Variants in SERTAD4 observed in about 807,000 individuals in gnomAD.
SERTAD4 encodes SERTA domain-containing protein 4.
In SERTAD4, 18 loss-of-function variants were observed where a neutral mutation model predicts 32.9. That is an observed-to-expected ratio of 0.55 (90% confidence interval 0.38 to 0.81). The LOEUF (loss-of-function observed/expected upper bound fraction) is 0.81, where lower values mean the gene tolerates loss of function less well. SERTAD4 is among the 30% of genes least tolerant of loss of function. The pLI is 0.00. For synonymous variants in SERTAD4, 150 were observed against 156.4 expected (o/e 0.96, Z 0.30); for missense variants, 383 against 426.0 (o/e 0.90, Z 0.89).
intron 1 of SERTAD4, chr1:210,237,480 T>A (rs1274220976): frequency 5.6e-5 from 9 of 161,164 alleles, no homozygotes; most frequent in Admixed American, 3.0e-4. Context: ...TGGATATTTC[T>A]GCTTCCCCTG....
intron 1 of SERTAD4, 25 bp from the exon 2 acceptor site, chr1:210,237,919 T>G: frequency 6.4e-7 from 1 of 1,562,168 alleles, no homozygotes; most frequent in African/African-American, 1.4e-5. Flanking sequence ...TTCTTCATTC[T>G]TGTTTTTTTT....
At position 210,241,770 on chromosome 1, in the gene SERTAD4, A is replaced by G. The variant is rs780040849; in HGVS notation, c.504A>G (p.Gln168=). The G allele has an allele frequency of 1.9e-6, 3 of 1,614,138 alleles. No homozygotes were observed. In the Admixed American group the frequency reaches 5.0e-5, roughly 27 times the overall value. ...GTSAQEWFMA[Q]DCPYRKRPRM... The stretch of plus-strand genomic sequence containing the variant: ...CTGCCCAAGAGTGGTTTATGGCTCA[A>G]GACTGCCCTTACCGAAAACGACCAC... Residue 168 remains glutamine, a synonymous_variant, in exon 4 of 4, where the codon CAA becomes CAG. Transcript: ENST00000367012.
chr1:210,242,673 T>C lies in SERTAD4; in HGVS notation c.*336T>C. The C allele has an allele frequency of 9.5e-7, 1 of 1,049,870 alleles. No homozygotes were observed. Among genetic ancestry groups the C allele is most frequent in the Non-Finnish European group, 1.1e-6 (1 of 873,058 alleles). The allele number at this position is 1,049,870 out of a possible 1,614,324, so 65.0% of individuals were successfully genotyped here. A position where few individuals can be genotyped will look rare whatever the true frequency, so the allele number is the denominator to read the frequency against. On this transcript the variant is annotated 3_prime_UTR_variant, in exon 4 of 4. Transcript: ENST00000367012. The surrounding 1 kb of genome is among the most constrained non-coding windows in gnomAD (Gnocchi z 4.0). ...GCCCCCCAAGGAGCCTGTCACTAGC[T>C]AAGAAATTTCTACATGTTTGCCAGT...
Position 210,245,163 on chromosome 1 carries a change from G to C in SERTAD4, c.*2826G>C, listed in dbSNP as rs887138411. The C allele has an allele frequency of 3.9e-5, 6 of 152,282 alleles. No homozygotes were observed. Among genetic ancestry groups the C allele is most frequent in the African/African-American group, 1.4e-4 (6 of 41,538 alleles). 9.4% of individuals were successfully genotyped at this position (152,282 alleles called of 1,614,324 possible). A position where few individuals can be genotyped will look rare whatever the true frequency, so the allele number is the denominator to read the frequency against. On this transcript the variant is annotated 3_prime_UTR_variant, in exon 4 of 4. Coordinates refer to ENST00000367012, the MANE Select transcript of SERTAD4 (RefSeq NM_019605.5). ...GCTAAGACATCCTCCACCCACACTG[G>C]TATCTACGCGCCTGGAAGCTGCACC...
Position 210,241,714 on chromosome 1 carries a change from T to C in SERTAD4, c.448T>C (p.Cys150Arg), listed in dbSNP as rs1334491370. 2.5e-6 allele frequency: 4 copies of C among 1,613,982 alleles called. No individual in the cohort carries two copies. Among genetic ancestry groups the C allele is most frequent in the Non-Finnish European group, 3.4e-6 (4 of 1,180,026 alleles). ...HGEIIMQNNW[C>R]FPACSFNGTS... ...AGAAATTATCATGCAGAATAACTGG[T>C]GCTTCCCTGCCTGCTCTTTCAATGG... Residue 150 changes from cysteine to arginine, a missense_variant, in exon 4 of 4, where the codon TGC becomes CGC. By Grantham distance (180) the Cys-to-Arg change is radical. Transcript: ENST00000367012.
chr1:210,243,110 A>AAC lies in SERTAD4; in HGVS notation c.*774_*775insCA. 1 of 968,572 alleles carries AAC rather than the reference A, an allele frequency of 1.0e-6. No individual in the cohort carries two copies. The highest frequency in any genetic ancestry group is 1.2e-6 in the Non-Finnish European group (1 of 816,530). 60.0% of individuals were successfully genotyped at this position (968,572 alleles called of 1,614,324 possible). A position where few individuals can be genotyped will look rare whatever the true frequency, so the allele number is the denominator to read the frequency against. ...AAACAGGACAAAAAAAAAAAAAAAA[A>AAC]AAAAACCACAGGGTGGATCAATATG... On this transcript the variant is annotated 3_prime_UTR_variant, in exon 4 of 4. Coordinates refer to ENST00000367012, the MANE Select transcript of SERTAD4 (RefSeq NM_019605.5).
Position 210,245,991 on chromosome 1 carries a change from A to C in SERTAD4, c.*3654A>C. On this transcript the variant is annotated 3_prime_UTR_variant, in exon 4 of 4. Coordinates refer to ENST00000367012, the MANE Select transcript of SERTAD4 (RefSeq NM_019605.5). The stretch of plus-strand genomic sequence containing the variant: ...ATTCCATTTTTCTGACAGCCCCTTA[A>C]ATTTGAAGTTATTTCATTTGTAGTT... The C allele has an allele frequency of 1.1e-6, 1 of 927,384 alleles. No homozygotes were observed. The highest frequency in any genetic ancestry group is 1.8e-5 in the African/African-American group (1 of 56,064). The allele number at this position is 927,384 out of a possible 1,614,324, so 57.4% of individuals were successfully genotyped here.
chr1:210,241,247 G>T (rs2083991285), intron 3 of SERTAD4, among the ~76,000 whole-genome samples: 1 of 152,084 alleles, frequency 6.6e-6, no homozygotes, highest in Non-Finnish European at 1.5e-5. Flanking sequence ...TCCTTATTGG[G>T]CCATAATAGA....
chr1:210,238,784 TTTC>T (rs1257241684), intron 2 of SERTAD4, among the ~76,000 whole-genome samples: 1 of 152,212 alleles, frequency 6.6e-6, no homozygotes, highest in Non-Finnish European at 1.5e-5. Context: ...TTCCTGATTC[TTTC>T]TTCTTATAGT....
intron 1 of SERTAD4, 62 bp from the exon 2 acceptor site, chr1:210,237,882 C>T: frequency 1.4e-6 from 2 of 1,389,856 alleles, no homozygotes; most frequent in Non-Finnish European, 2.0e-6. Flanking sequence ...AAGGCCGTCC[C>T]TTGGCTTGCT....
chr1:210,236,016 A>T (rs909819780), intron 1 of SERTAD4, among the ~76,000 whole-genome samples: 3 of 152,318 alleles, frequency 2.0e-5, no homozygotes. Context: ...TCCTGATATG[A>T]TTGTCTCTTA....
At position 210,241,734 on chromosome 1, in the gene SERTAD4, C is replaced by T. The variant is rs2083997213; in HGVS notation, c.468C>T (p.Phe156=). 1.9e-6 allele frequency: 3 copies of T among 1,614,124 alleles called. No homozygotes were observed. The highest frequency in any genetic ancestry group is 2.5e-6 in the Non-Finnish European group (3 of 1,180,014). ...ACTGGTGCTTCCCTGCCTGCTCTTT[C>T]AATGGCACCTCTGCCCAAGAGTGGT... ...QNNWCFPACS[F]NGTSAQEWFM... is the part of the protein sequence containing the mutation. Residue 156 remains phenylalanine (F), a synonymous_variant, in exon 4 of 4, where the codon TTC becomes TTT. Transcript: ENST00000367012.
chr1:210,233,729 C>T (rs912598056), intron 1 of SERTAD4: 11 of 471,028 alleles, frequency 2.3e-5, no homozygotes, highest in Admixed American at 1.2e-4. Flanking sequence ...TAGCAACTTT[C>T]CGAGTGCCCA....
At position 210,245,029 on chromosome 1, in the gene SERTAD4, T is replaced by C. The variant is rs2084034443; in HGVS notation, c.*2692T>C. 1 of 152,192 alleles carries C rather than the reference T, an allele frequency of 6.6e-6. No homozygotes were observed. 9.4% of individuals were successfully genotyped at this position (152,192 alleles called of 1,614,324 possible). A position where few individuals can be genotyped will look rare whatever the true frequency, so the allele number is the denominator to read the frequency against. On this transcript the variant is annotated 3_prime_UTR_variant, in exon 4 of 4. Coordinates refer to ENST00000367012, the MANE Select transcript of SERTAD4 (RefSeq NM_019605.5). Reference sequence around the variant, plus strand: ...CTCCCATGCACCCAGCATTGTCTTTTATGCATGAGATATTCCATTAGATTT... The same window carrying C: ...CTCCCATGCACCCAGCATTGTCTTTCATGCATGAGATATTCCATTAGATTT...
In SERTAD4 at chr1:210,242,419, T is replaced by C; in HGVS notation, c.*82T>C. On this transcript the variant is annotated 3_prime_UTR_variant, in exon 4 of 4. Transcript: ENST00000367012. This position sits in a 1 kb window ranked among gnomAD's most constrained non-coding sequence, Gnocchi z 4.0. Reference sequence around the variant, plus strand: ...ATTTTATTTTGAATGGATTTTGTAGTTTTGTACAACAGATAAAATTATGCC... The same window carrying C: ...ATTTTATTTTGAATGGATTTTGTAGCTTTGTACAACAGATAAAATTATGCC... The C allele has an allele frequency of 6.7e-7, 1 of 1,501,560 alleles. No individual in the cohort carries two copies. Among genetic ancestry groups the C allele is most frequent in the Admixed American group, 2.4e-5 (1 of 41,492 alleles). 93.0% of individuals were successfully genotyped at this position (1,501,560 alleles called of 1,614,324 possible). A position where few individuals can be genotyped will look rare whatever the true frequency, so the allele number is the denominator to read the frequency against.
At chr1:210,246,479 C>T (rs1458503552), downstream of SERTAD4, 3 of 680,930 alleles carry the variant, frequency 4.4e-6, no homozygotes, top group Non-Finnish European at 5.4e-6. Flanking sequence ...ACTTGAATCT[C>T]GCATCCTGCC....
In SERTAD4 at chr1:210,243,114, A is replaced by AAAAAAAAAAC; in HGVS notation, c.*778_*779insAAAAAAAACA. 1.3e-5 allele frequency: 9 copies of AAAAAAAAAAC among 695,312 alleles called. No individual in the cohort carries two copies. The highest frequency in any genetic ancestry group is 1.6e-5 in the Non-Finnish European group (9 of 566,912). The allele number at this position is 695,312 out of a possible 1,614,324, so 43.1% of individuals were successfully genotyped here. On this transcript the variant is annotated 3_prime_UTR_variant, in exon 4 of 4. Coordinates refer to ENST00000367012, the MANE Select transcript of SERTAD4 (RefSeq NM_019605.5). Reference sequence around the variant, plus strand: ...AGGACAAAAAAAAAAAAAAAAAAAAAACCACAGGGTGGATCAATATGGTTT... The same window carrying AAAAAAAAAAC: ...AGGACAAAAAAAAAAAAAAAAAAAAAAAAAAAAAACACCACAGGGTGGATCAATATGGTTT...
rs774496990 is a variant in SERTAD4 at position 210,243,212 on chromosome 1, A to G, written c.*875A>G. ...CTCTATTCTTTATTTTTGATGCCCA[A>G]TTGCTTTTGGATTCGCCGTTTTTTC... On this transcript the variant is annotated 3_prime_UTR_variant, in exon 4 of 4. Transcript: ENST00000367012. The G allele has an allele frequency of 1.1e-4, 98 of 876,266 alleles. No individual in the cohort carries two copies. In the Admixed American group the frequency reaches 2.1e-3, roughly 19 times the overall value. 54.3% of individuals were successfully genotyped at this position (876,266 alleles called of 1,614,324 possible). A position where few individuals can be genotyped will look rare whatever the true frequency, so the allele number is the denominator to read the frequency against.
Position 210,241,746 on chromosome 1 carries a change from T to C in SERTAD4, c.480T>C (p.Ser160=). The part of the protein sequence containing the change: ...CFPACSFNGT[S]AQEWFMAQDC... Reference sequence around the variant, plus strand: ...CTGCCTGCTCTTTCAATGGCACCTCTGCCCAAGAGTGGTTTATGGCTCAAG... The same window carrying C: ...CTGCCTGCTCTTTCAATGGCACCTCCGCCCAAGAGTGGTTTATGGCTCAAG... Residue 160 remains serine (S), a synonymous_variant, in exon 4 of 4, where the codon TCT becomes TCC. Transcript: ENST00000367012. The C allele has an allele frequency of 1.2e-6, 2 of 1,614,144 alleles. No individual in the cohort carries two copies. The highest frequency in any genetic ancestry group is 1.7e-6 in the Non-Finnish European group (2 of 1,180,032).
Sources: allele counts gnomAD v4.1 joint callset (sites outside exome capture counted in the v4.1 genomes callset), GRCh38; gene constraint gnomAD v4.1.1; non-coding constraint Gnocchi (gnomAD v3.1); transcripts MANE v1.5; gene names NCBI Gene and HGNC (gene_info 2026-07-23, HGNC 2026-07-21).